SOX5: variants seen among roughly 807,000 people sequenced by gnomAD.
SOX5 encodes the protein transcription factor SOX-5.
SOX5 carries 9 observed loss-of-function variants against 92.0 expected under a neutral mutation model. That is an observed-to-expected ratio of 0.10 (90% CI 0.06 to 0.17). SOX5 has a LOEUF of 0.17. SOX5 is among the 10% of genes least tolerant of loss of function. SOX5 has a pLI of 1.00. For missense variants in SOX5, 642 were observed against 944.5 expected (o/e 0.68, Z 4.20); for synonymous variants, 344 against 336.3 (o/e 1.02, Z -0.25).
intron 9 of SOX5, among the ~76,000 whole-genome samples, chr12:23,597,737 A>G (rs963689628): frequency 1.3e-5 from 2 of 152,218 alleles, no homozygotes; most frequent in African/African-American, 4.8e-5. Context: ...ATTACATCTC[A>G]AAGGCTAACA....
chr12:24,115,794 A>C (rs774168221), intron 4 of SOX5, among the ~76,000 whole-genome samples: 19 of 152,236 alleles, frequency 1.2e-4, no homozygotes, highest in Non-Finnish European at 2.5e-4. Flanking sequence ...CACCAATGAA[A>C]ATTAACATAT....
intron 9 of SOX5, among the ~76,000 whole-genome samples, chr12:23,584,989 GAA>G (rs1455448827): frequency 6.6e-6 from 1 of 151,854 alleles, no homozygotes; most frequent in Non-Finnish European, 1.5e-5. Context: ...ACCTTGAATA[GAA>G]AAAAATTTAC....
In SOX5 at chr12:24,001,395, AT is replaced by A. The variant is rs550748892; in HGVS notation, c.-1-105372del. ...GCATGAGCCACCAAAACCAGCCTAA[AT>A]TAGATTAAATCTAAATGGATTTAAA... On this transcript the variant is annotated intron_variant, in intron 4 of 4. Transcript: ENST00000446891. Among the ~76,000 whole-genome samples, 30 of 152,300 alleles carry A rather than the reference AT, an allele frequency of 2.0e-4. No homozygotes were observed. In the South Asian group the frequency reaches 5.4e-3, roughly 27 times the overall value.
At chr12:23,850,954 A>C (rs1328382421) in intron 2 of SOX5, among the ~76,000 whole-genome samples, 1 of 152,164 alleles carries the variant, frequency 6.6e-6, no homozygotes, top group Non-Finnish European at 1.5e-5. Context: ...TTCGCTATGA[A>C]CTCTTATGAA....
chr12:24,506,853 C>G (rs1285368594), intron 1 of SOX5, among the ~76,000 whole-genome samples: 42 of 125,474 alleles, frequency 3.3e-4, no homozygotes, highest in African/African-American at 1.1e-3. Context: ...TGCAGTGGCG[C>G]GATCTCGGCT....
chr12:23,542,626 A>G (rs575175883), intron 13 of SOX5, among the ~76,000 whole-genome samples: 5 of 152,292 alleles, frequency 3.3e-5, no homozygotes, highest in Admixed American at 3.3e-4. Flanking sequence ...GACTAAAAGT[A>G]CCTTTAGTAC....
chr12:24,240,586 T>C (rs552339808), intron 3 of SOX5, among the ~76,000 whole-genome samples: 29 of 152,282 alleles, frequency 1.9e-4, no homozygotes, highest in African/African-American at 6.7e-4. Context: ...TGGGCAAGAA[T>C]TGAGGTACCC....
intron 4 of SOX5, among the ~76,000 whole-genome samples, chr12:24,002,641 G>T (rs9805059): frequency 6.6e-6 from 1 of 151,514 alleles, no homozygotes; most frequent in Admixed American, 6.6e-5. Context: ...ATTTTTATAG[G>T]GAGTATGTTT....
intron 1 of SOX5, among the ~76,000 whole-genome samples, chr12:24,515,530 C>T (rs1357687379): frequency 6.6e-6 from 1 of 152,116 alleles, no homozygotes; most frequent in Non-Finnish European, 1.5e-5. Context: ...GACACTCTAG[C>T]AATTTTTAAA....
At chr12:23,876,214 T>C (rs1176977094) in intron 2 of SOX5, among the ~76,000 whole-genome samples, 2 of 152,170 alleles carry the variant, frequency 1.3e-5, no homozygotes, top group Non-Finnish European at 2.9e-5. Context: ...AGAAAATTTT[T>C]GCAATCTATC....
chr12:24,546,250 T>C (rs1952613217), intron 1 of SOX5, among the ~76,000 whole-genome samples: 1 of 152,196 alleles, frequency 6.6e-6, no homozygotes, highest in Admixed American at 6.5e-5. Flanking sequence ...AAAATATTAA[T>C]ACATCACTGA....
At chr12:24,457,332 T>C (rs1042298244) in intron 1 of SOX5, among the ~76,000 whole-genome samples, 2 of 152,192 alleles carry the variant, frequency 1.3e-5, no homozygotes, top group Non-Finnish European at 2.9e-5. Flanking sequence ...TAAAACCTGT[T>C]TTTTTTAAAA....
intron 6 of SOX5, among the ~76,000 whole-genome samples, chr12:23,670,583 C>T (rs12299165): frequency 2.7e-4 from 41 of 152,048 alleles, no homozygotes; most frequent in African/African-American, 9.9e-4. Context: ...GCATCTCATC[C>T]TCTGGGCCCT....
At chr12:24,372,343 C>G (rs1231806895) in intron 1 of SOX5, among the ~76,000 whole-genome samples, 1 of 152,120 alleles carries the variant, frequency 6.6e-6, no homozygotes, top group African/African-American at 2.4e-5. Context: ...TCCATGTGTT[C>G]TCACTGTTCA....
intron 4 of SOX5, among the ~76,000 whole-genome samples, chr12:24,081,660 ACT>A (rs1271906868): frequency 6.6e-6 from 1 of 151,820 alleles, no homozygotes; most frequent in African/African-American, 2.4e-5. Context: ...AATACTTGGA[ACT>A]CTCTGCACGG....
chr12:23,825,079 C>A (rs1195654270), intron 3 of SOX5, among the ~76,000 whole-genome samples: 1 of 152,122 alleles, frequency 6.6e-6, no homozygotes, highest in Admixed American at 6.5e-5. Flanking sequence ...TAGCTTCAGC[C>A]CCCTTTCCAG....
In SOX5 at chr12:23,643,978, G is replaced by T. The variant is rs563663744; in HGVS notation, c.932-3081C>A. Among the ~76,000 whole-genome samples the T allele has an allele frequency of 2.0e-5, 3 of 152,246 alleles. No homozygotes were observed. The South Asian group carries it at 6.2e-4, about 32-fold the overall frequency. The stretch of plus-strand genomic sequence containing the variant: ...TACTGTGCAGACAGCCCCTAAGATA[G>T]AACCTCCAATGACTCCCACTCCCTG... On this transcript the variant is annotated intron_variant, in intron 7 of 14. Transcript: ENST00000451604.
chr12:23,901,103 A>G (rs192901246), intron 1 of SOX5, among the ~76,000 whole-genome samples: 1 of 152,230 alleles, frequency 6.6e-6, no homozygotes, highest in African/African-American at 2.4e-5. Flanking sequence ...TGGGGAGATT[A>G]TTCTGAATAT....
chr12:23,644,679 GGAGA>G (rs917344480), intron 7 of SOX5, among the ~76,000 whole-genome samples: 1 of 152,156 alleles, frequency 6.6e-6, no homozygotes, highest in Non-Finnish European at 1.5e-5. Flanking sequence ...CTATGATACA[GGAGA>G]GAGAAGGGAC....
Sources: gnomAD v4.1 joint callset for allele counts (sites outside exome capture counted in the v4.1 genomes callset) on GRCh38, gnomAD v4.1.1 for gene constraint, MANE v1.5 for transcripts, NCBI Gene and HGNC (gene_info 2026-07-23, HGNC 2026-07-21) for gene names.